Variants in TACC1 observed in about 807,000 individuals in gnomAD.
TACC1 encodes the protein transforming acidic coiled-coil-containing protein 1.
A neutral mutation model predicts 84.4 loss-of-function variants in TACC1; 48 were observed. That is an observed-to-expected ratio of 0.57 (90% CI 0.45 to 0.72). TACC1 has a LOEUF of 0.72. Among genes scored for constraint, TACC1 ranks in the 30% least tolerant of loss-of-function variants. TACC1 has a pLI of 0.00. For missense variants in TACC1, 920 were observed against 973.0 expected (o/e 0.95, Z 0.72); for synonymous variants, 372 against 376.3 (o/e 0.99, Z 0.13).
At chr8:38,836,979 A>G (rs918375450) in intron 7 of TACC1, among the ~76,000 whole-genome samples, 1 of 152,076 alleles carries the variant, frequency 6.6e-6, no homozygotes, top group African/African-American at 2.4e-5. Flanking sequence ...GTATGCTGAA[A>G]GTGGTTAAGC....
chr8:38,776,616 A>T (rs535499016), intron 3 of TACC1, among the ~76,000 whole-genome samples: 8 of 152,352 alleles, frequency 5.3e-5, no homozygotes, highest in African/African-American at 1.7e-4. Context: ...TTTGTGCATG[A>T]AACAAAGTTT....
At chr8:38,803,458 T>G (rs1165384492) in intron 2 of TACC1, among the ~76,000 whole-genome samples, 1 of 152,236 alleles carries the variant, frequency 6.6e-6, no homozygotes, top group Non-Finnish European at 1.5e-5. Flanking sequence ...TTGCTTAGTG[T>G]TTTTATCATA....
intron 3 of TACC1, among the ~76,000 whole-genome samples, chr8:38,824,297 C>G (rs1021825870): frequency 2.0e-5 from 3 of 152,220 alleles, no homozygotes; most frequent in African/African-American, 7.2e-5. Flanking sequence ...ATACCAAAAG[C>G]TGGCTTGGCC....
intron 3 of TACC1, among the ~76,000 whole-genome samples, chr8:38,760,828 C>T (rs983444386): frequency 2.0e-5 from 3 of 152,134 alleles, no homozygotes; most frequent in Non-Finnish European, 4.4e-5. Context: ...GGCCTCAGAC[C>T]TAATTTTTGA....
chr8:38,752,820 G>T (rs967266486), intron 3 of TACC1, among the ~76,000 whole-genome samples: 11 of 152,088 alleles, frequency 7.2e-5, no homozygotes, highest in Non-Finnish European at 8.8e-5. Flanking sequence ...ATACCAAGTA[G>T]TGTCCAACTA....
chr8:38,767,519 G>A (rs1812470628), intron 3 of TACC1, among the ~76,000 whole-genome samples: 1 of 152,210 alleles, frequency 6.6e-6, no homozygotes, highest in African/African-American at 2.4e-5. Context: ...TGGCAATAAT[G>A]GGGAAGAAGA....
intron 2 of TACC1, among the ~76,000 whole-genome samples, chr8:38,794,562 T>G (rs1284597512): frequency 2.7e-5 from 4 of 150,388 alleles, no homozygotes; most frequent in East Asian, 2.0e-4. Flanking sequence ...GTGTGTTTGT[T>G]TGTGTGTGTG....
intron 2 of TACC1, among the ~76,000 whole-genome samples, chr8:38,814,398 G>A (rs1454691296): frequency 6.6e-6 from 1 of 152,192 alleles, no homozygotes; most frequent in African/African-American, 2.4e-5. Flanking sequence ...GATCATGTAA[G>A]ATTATAATAC....
At chr8:38,763,474 A>G (rs950993700) in intron 3 of TACC1, among the ~76,000 whole-genome samples, 2 of 152,154 alleles carry the variant, frequency 1.3e-5, no homozygotes, top group African/African-American at 4.8e-5. Context: ...GTTTTAGCAT[A>G]AACAAGACAT....
intron 2 of TACC1, among the ~76,000 whole-genome samples, chr8:38,792,187 A>C (rs1352529340): frequency 1.3e-5 from 2 of 152,200 alleles, no homozygotes; most frequent in Non-Finnish European, 2.9e-5. Context: ...CTCCCACTAA[A>C]GTTGTTTAAT....
At chr8:38,745,245 G>T (rs1807843123) in exon 3 of TACC1, 1 of 464,972 alleles carries the variant, frequency 2.2e-6, no homozygotes, top group Non-Finnish European at 3.8e-6. Flanking sequence ...TCAGAGTAGA[G>T]CTGCCTCCCC....
intron 2 of TACC1, among the ~76,000 whole-genome samples, chr8:38,806,462 A>ATG (rs1375747906): frequency 2.7e-4 from 40 of 150,336 alleles, no homozygotes; most frequent in Middle Eastern, 3.4e-3. Context: ...GTGTGTGTGT[A>ATG]TGTGTGTGTG....
chr8:38,771,875 G>A (rs1245121709), intron 3 of TACC1, among the ~76,000 whole-genome samples: 1 of 152,070 alleles, frequency 6.6e-6, no homozygotes, highest in Non-Finnish European at 1.5e-5. Flanking sequence ...AAGTAGTGAG[G>A]ACTACAATCA....
At chr8:38,730,908 G>A (rs1804803220) in intron 1 of TACC1, among the ~76,000 whole-genome samples, 1 of 151,942 alleles carries the variant, frequency 6.6e-6, no homozygotes, top group South Asian at 2.1e-4. Flanking sequence ...CTGAGAGGTG[G>A]TATAGTTTTT....
intron 1 of TACC1, among the ~76,000 whole-genome samples, chr8:38,733,619 G>T (rs767177270): frequency 6.6e-6 from 1 of 152,042 alleles, no homozygotes; most frequent in African/African-American, 2.4e-5. Context: ...ACAATTCCTA[G>T]CACCAGCTCA....
At chr8:38,732,640 T>C (rs1805183381) in intron 1 of TACC1, among the ~76,000 whole-genome samples, 1 of 152,206 alleles carries the variant, frequency 6.6e-6, no homozygotes, top group Non-Finnish European at 1.5e-5. Context: ...TTGTGCTAAG[T>C]GCTTCCCCTG....
At chr8:38,763,607 G>T (rs773809068) in intron 3 of TACC1, among the ~76,000 whole-genome samples, 1 of 152,146 alleles carries the variant, frequency 6.6e-6, no homozygotes, top group Non-Finnish European at 1.5e-5. Flanking sequence ...ATCATCTGGA[G>T]ATAATTGTTA....
chr8:38,749,860 G>T (rs899955243), intron 3 of TACC1, among the ~76,000 whole-genome samples: 3 of 152,122 alleles, frequency 2.0e-5, no homozygotes, highest in Non-Finnish European at 4.4e-5. Context: ...ATAGTGCTGG[G>T]ATTACAGGTG....
rs796379904 is a variant in TACC1 at position 38,802,694 on chromosome 8, G to A, written c.277+13875G>A. On this transcript the variant is annotated intron_variant, in intron 2 of 12. Coordinates refer to ENST00000317827, the MANE Select transcript of TACC1 (RefSeq NM_006283.3). ...GGCACAGGCATCTGTTTCTGGTGAG[G>A]GCATCAGGGAGCTTCCAATTATGGC... is the stretch of plus-strand genomic sequence containing the variant. Among the ~76,000 whole-genome samples the A allele has an allele frequency of 7.2e-5, 11 of 152,312 alleles. 1 individual carries two copies. The highest frequency in any genetic ancestry group is 2.6e-4 in the African/African-American group (11 of 41,572).
Sources: gnomAD v4.1 joint callset for allele counts (sites outside exome capture counted in the v4.1 genomes callset) on GRCh38, gnomAD v4.1.1 for gene constraint, MANE v1.5 for transcripts, NCBI Gene and HGNC (gene_info 2026-07-23, HGNC 2026-07-21) for gene names.